The following FAM163A variants were observed in gnomAD, a reference collection of about 807,000 sequenced individuals.
FAM163A encodes the protein family with sequence similarity 163 member A.
A neutral mutation model predicts 12.0 loss-of-function variants in FAM163A; 7 were observed. The observed-to-expected ratio is 0.58, with a 90% CI of 0.33 to 1.10. FAM163A has a LOEUF of 1.10. FAM163A is among the 50% of genes least tolerant of loss of function. The probability of loss-of-function intolerance (pLI) is 0.03; values close to 1 mark genes in which losing one functional copy is unlikely to be tolerated. For missense variants in FAM163A, 202 were observed against 218.6 expected (o/e 0.92, Z 0.48); for synonymous variants, 101 against 91.0 (o/e 1.11, Z -0.62).
intron 1 of FAM163A, among the ~76,000 whole-genome samples, chr1:179,790,576 T>C: frequency 6.6e-6 from 1 of 152,108 alleles, no homozygotes; most frequent in East Asian, 1.9e-4. Context: ...CCTCTATAGC[T>C]TTGTCTCCCC....
At chr1:179,752,318 G>C (rs929278209) in intron 1 of FAM163A, among the ~76,000 whole-genome samples, 1 of 151,986 alleles carries the variant, frequency 6.6e-6, no homozygotes, top group Non-Finnish European at 1.5e-5. Flanking sequence ...TTAAAAACTT[G>C]AACATAAGAA....
At chr1:179,793,016 A>C (rs1691741966) in intron 1 of FAM163A, among the ~76,000 whole-genome samples, 1 of 140,496 alleles carries the variant, frequency 7.1e-6, no homozygotes, top group Admixed American at 6.8e-5. Flanking sequence ...GAATATCATG[A>C]AAAAAAAAAG....
chr1:179,789,859 G>A (rs1691193055), intron 1 of FAM163A, among the ~76,000 whole-genome samples: 1 of 152,150 alleles, frequency 6.6e-6, no homozygotes, highest in African/African-American at 2.4e-5. Context: ...CACAAATAAA[G>A]CAACCATATT....
chr1:179,764,467 C>T (rs1044773883), intron 1 of FAM163A, among the ~76,000 whole-genome samples: 3 of 152,168 alleles, frequency 2.0e-5, no homozygotes, highest in Admixed American at 6.5e-5. Flanking sequence ...GCTCCAGCAG[C>T]TCAAATTCTG....
At chr1:179,759,853 G>C (rs1224027753) in intron 1 of FAM163A, among the ~76,000 whole-genome samples, 3 of 152,126 alleles carry the variant, frequency 2.0e-5, no homozygotes, top group Non-Finnish European at 4.4e-5. Flanking sequence ...TTTTAGTAGA[G>C]ATGGGGTTTC....
chr1:179,765,114 T>C (rs1687312155), intron 1 of FAM163A, among the ~76,000 whole-genome samples: 1 of 152,206 alleles, frequency 6.6e-6, no homozygotes, highest in Non-Finnish European at 1.5e-5. Context: ...GTCCACCTCT[T>C]CCCTTTCTTC....
intron 1 of FAM163A, among the ~76,000 whole-genome samples, chr1:179,796,953 C>G (rs1009432061): frequency 6.6e-6 from 1 of 152,232 alleles, no homozygotes; most frequent in Non-Finnish European, 1.5e-5. Flanking sequence ...GTTCTCACCC[C>G]TTTAGCTCAC....
Position 179,815,109 on chromosome 1 carries a change from G to GCGCACACA in FAM163A, c.*921_*922insGCACACAC, listed in dbSNP as rs1273970601. On this transcript the variant is annotated 3_prime_UTR_variant, in exon 5 of 5. Transcript: ENST00000341785. ...CAGGTGTACGCACGCGCGCGCGCGC[G>GCGCACACA]CACAGACACACACACACACACACAC... 7 of 67,236 alleles carry GCGCACACA rather than the reference G, an allele frequency of 1.0e-4. No homozygotes were observed. The highest frequency in any genetic ancestry group is 4.4e-4 in the African/African-American group (7 of 15,782). The allele number at this position is 67,236 out of a possible 1,614,324, so 4.2% of individuals were successfully genotyped here.
chr1:179,807,690 A>T (rs1694147332), intron 1 of FAM163A, 108 bp from the exon 2 acceptor site: 1 of 152,410 alleles, frequency 6.6e-6, no homozygotes, highest in Non-Finnish European at 1.5e-5. Flanking sequence ...ACCCCTGGAG[A>T]GACTTCCACT....
Position 179,771,616 on chromosome 1 carries a change from T to C in FAM163A, c.-136+28193T>C, listed in dbSNP as rs367793748. ...ACACCTGTGCTTGGATATCTGTCTCTTCTAAAGCTCCTTCCTGCCCCATGA... is the reference window on the plus strand; with the variant it reads ...ACACCTGTGCTTGGATATCTGTCTCCTCTAAAGCTCCTTCCTGCCCCATGA... On this transcript the variant is annotated intron_variant, in intron 1 of 4. Transcript: ENST00000341785. 7.9e-5 allele frequency among the ~76,000 whole-genome samples: 12 copies of C among 152,214 alleles called. No homozygotes were observed. In the East Asian group the frequency reaches 1.9e-3, roughly 25 times the overall value.
chr1:179,744,801 C>G (rs1366038817), intron 1 of FAM163A, among the ~76,000 whole-genome samples: 2 of 152,226 alleles, frequency 1.3e-5, no homozygotes, highest in Non-Finnish European at 2.9e-5. Flanking sequence ...GCAGGACCGA[C>G]GTCTGCGCAG....
At chr1:179,804,322 A>C (rs1192350221) in intron 1 of FAM163A, among the ~76,000 whole-genome samples, 1 of 152,184 alleles carries the variant, frequency 6.6e-6, no homozygotes, top group Non-Finnish European at 1.5e-5. Flanking sequence ...CTGATGAAAT[A>C]AATGCATATC....
At chr1:179,789,291 C>T (rs527598083) in intron 1 of FAM163A, among the ~76,000 whole-genome samples, 3 of 152,152 alleles carry the variant, frequency 2.0e-5, no homozygotes, top group African/African-American at 7.2e-5. Flanking sequence ...AAATGATTCT[C>T]CTGCCTCAGC....
upstream of FAM163A, among the ~76,000 whole-genome samples, chr1:179,741,381 C>A (rs944413036): frequency 3.9e-5 from 6 of 152,204 alleles, no homozygotes; most frequent in African/African-American, 1.4e-4. Context: ...TTGGCATGAT[C>A]TAATAAAACT....
intron 1 of FAM163A, among the ~76,000 whole-genome samples, chr1:179,765,565 G>A (rs896752554): frequency 2.0e-5 from 3 of 152,184 alleles, no homozygotes; most frequent in Non-Finnish European, 4.4e-5. Flanking sequence ...GAGCAGCTTA[G>A]AGAGTGGTGA....
rs548009767 is a variant in FAM163A, at chr1:179,769,467, A to T, written c.-136+26044A>T. On this transcript the variant is annotated intron_variant, in intron 1 of 4. Transcript: ENST00000341785. ...AATAAAAATGTTTGAATCTTAAAAA[A>T]CTCTTTTCATCTTACATTTGGATAG... Among the ~76,000 whole-genome samples the T allele has an allele frequency of 3.3e-5, 5 of 151,594 alleles. No homozygotes were observed. The South Asian group carries it at 1.0e-3, about 32-fold the overall frequency.
chr1:179,757,554 G>C (rs1332396504), intron 1 of FAM163A, among the ~76,000 whole-genome samples: 3 of 152,208 alleles, frequency 2.0e-5, no homozygotes, highest in Non-Finnish European at 1.5e-5. Flanking sequence ...GCTCATGCCT[G>C]TAACCCCAGC....
chr1:179,776,319 C>T (rs960512486), intron 1 of FAM163A, among the ~76,000 whole-genome samples: 11 of 151,888 alleles, frequency 7.2e-5, no homozygotes, highest in South Asian at 2.1e-4. Flanking sequence ...ATGGAAACCC[C>T]GTCTCTACTA....
intron 2 of FAM163A, among the ~76,000 whole-genome samples, chr1:179,810,392 C>T (rs1694546560): frequency 6.6e-6 from 1 of 152,194 alleles, no homozygotes; most frequent in African/African-American, 2.4e-5. Flanking sequence ...CGTCAGGAAA[C>T]CCCCAGGGTC....
Sources: gnomAD v4.1 joint callset for allele counts (sites outside exome capture counted in the v4.1 genomes callset) on GRCh38, gnomAD v4.1.1 for gene constraint, MANE v1.5 for transcripts, NCBI Gene and HGNC (gene_info 2026-07-23, HGNC 2026-07-21) for gene names.